The following CDH12 variants were observed in gnomAD, a reference collection of about 807,000 sequenced individuals.
CDH12 encodes the protein cadherin-12.
Under a neutral mutation model 74.1 loss-of-function variants are expected in CDH12, and 41 were observed. That is an observed-to-expected ratio of 0.55 (90% CI 0.43 to 0.72). The LOEUF (loss-of-function observed/expected upper bound fraction) is 0.72, where lower values mean the gene tolerates loss of function less well. Ranked by LOEUF, CDH12 falls within the 30% of genes least tolerant of loss-of-function variation. CDH12 has a pLI of 0.00. For missense variants in CDH12, 945 were observed against 977.2 expected, an observed-to-expected ratio of 0.97 and a Z score of 0.44; for synonymous variants, 399 against 355.0, an observed-to-expected ratio of 1.12 and a Z score of -1.39.
chr5:22,235,288 A>C (rs10473584), intron 3 of CDH12, among the ~76,000 whole-genome samples: 4,023 of 152,270 alleles, frequency 0.026, 77 homozygotes, highest in South Asian at 0.095. Context: ...CAGTTAAAAA[A>C]ACAAATTATA....
At position 21,751,143 on chromosome 5, in the gene CDH12, AAGAAAACCTTTTGAATT is replaced by A. The variant is rs1391417488; in HGVS notation, c.*577_*593del. 6.5e-6 allele frequency: 1 copy of A among 152,750 alleles called. No homozygotes were observed. The highest frequency in any genetic ancestry group is 1.9e-4 in the East Asian group (1 of 5,204). 9.5% of individuals were successfully genotyped at this position (152,750 alleles called of 1,614,324 possible). A position where few individuals can be genotyped will look rare whatever the true frequency, so the allele number is the denominator to read the frequency against. On this transcript the variant is annotated 3_prime_UTR_variant, in exon 15 of 15. Coordinates refer to ENST00000382254, the MANE Select transcript of CDH12 (RefSeq NM_004061.5). ...TTTAGCATACAGTTTAAAAAAGAAA[AAGAAAACCTTTTGAATT>A]AGAAGAAGGTGGAGATCAGAAAGTG...
chr5:21,888,517 C>A (rs1468854468), intron 6 of CDH12, among the ~76,000 whole-genome samples: 1 of 151,996 alleles, frequency 6.6e-6, no homozygotes, highest in Non-Finnish European at 1.5e-5. Context: ...GTGCAGCACA[C>A]CAACATGGTA....
At chr5:22,184,686 T>C (rs1749832244) in intron 4 of CDH12, among the ~76,000 whole-genome samples, 2 of 152,202 alleles carry the variant, frequency 1.3e-5, no homozygotes, top group South Asian at 4.1e-4. Flanking sequence ...ACTCCTGTCC[T>C]TACTTCACAT....
intron 1 of CDH12, among the ~76,000 whole-genome samples, chr5:22,849,852 G>A (rs1737468008): frequency 6.6e-6 from 1 of 151,980 alleles, no homozygotes; most frequent in Non-Finnish European, 1.5e-5. Context: ...CAAGGGTTAT[G>A]AAAGAAAACC....
intron 1 of CDH12, among the ~76,000 whole-genome samples, chr5:22,685,458 G>A (rs2126963): frequency 6.5e-4 from 99 of 152,144 alleles, no homozygotes; most frequent in Non-Finnish European, 1.2e-3. Context: ...GGATGGTCTC[G>A]ATCTCCTGAC....
chr5:22,276,728 C>T (rs1239566697), intron 3 of CDH12, among the ~76,000 whole-genome samples: 1 of 151,916 alleles, frequency 6.6e-6, no homozygotes. Context: ...ATTCTGTGGC[C>T]CAGGCTGGAG....
intron 4 of CDH12, among the ~76,000 whole-genome samples, chr5:22,184,586 G>A (rs759206617): frequency 1.3e-5 from 2 of 152,152 alleles, no homozygotes; most frequent in Non-Finnish European, 2.9e-5. Flanking sequence ...GTATATGCAC[G>A]ACAATGAACA....
intron 2 of CDH12, among the ~76,000 whole-genome samples, chr5:22,484,885 T>A (rs183448327): frequency 5.3e-4 from 80 of 152,248 alleles, no homozygotes; most frequent in African/African-American, 1.9e-3. Flanking sequence ...TAACAACATA[T>A]TATATATAAT....
intron 1 of CDH12, among the ~76,000 whole-genome samples, chr5:22,819,949 G>GTA (rs199766922): frequency 0.011 from 1,596 of 144,630 alleles, 35 homozygotes; most frequent in African/African-American, 0.039. Flanking sequence ...ATGTATGTGT[G>GTA]TATATATATA....
At chr5:22,341,249 T>G (rs1739835451) in intron 3 of CDH12, among the ~76,000 whole-genome samples, 1 of 152,126 alleles carries the variant, frequency 6.6e-6, no homozygotes, top group African/African-American at 2.4e-5. Context: ...GCTGTATAAG[T>G]GAGGTAGGAG....
chr5:22,551,891 G>T (rs1238568974), intron 1 of CDH12, among the ~76,000 whole-genome samples: 1 of 152,042 alleles, frequency 6.6e-6, no homozygotes, highest in Non-Finnish European at 1.5e-5. Context: ...AGACATGATG[G>T]TTTTATTTTA....
At chr5:21,765,204 T>C (rs1744953852) in intron 11 of CDH12, 105 bp from the exon 12 acceptor site, 4 of 920,104 alleles carry the variant, frequency 4.3e-6, no homozygotes, top group Non-Finnish European at 6.0e-6. Flanking sequence ...TTATATAGAA[T>C]GAAAAAAAAT....
intron 8 of CDH12, among the ~76,000 whole-genome samples, chr5:21,825,797 C>T (rs559537403): frequency 7.2e-5 from 11 of 152,280 alleles, no homozygotes; most frequent in African/African-American, 2.2e-4. Flanking sequence ...TCTACAATTA[C>T]GGTTTTCTGG....
chr5:21,895,110 G>A (rs904333126), intron 6 of CDH12, among the ~76,000 whole-genome samples: 3 of 151,776 alleles, frequency 2.0e-5, no homozygotes, highest in East Asian at 3.9e-4. Context: ...GTTCAGCTGC[G>A]CTCACTATAA....
chr5:22,776,858 A>C (rs1747129415), intron 1 of CDH12, among the ~76,000 whole-genome samples: 1 of 152,232 alleles, frequency 6.6e-6, no homozygotes, highest in Non-Finnish European at 1.5e-5. Context: ...ACATAGTTTC[A>C]GGCAAAGACA....
chr5:22,603,747 G>A (rs1276884329), intron 1 of CDH12, among the ~76,000 whole-genome samples: 15 of 152,130 alleles, frequency 9.9e-5, no homozygotes, highest in Non-Finnish European at 1.6e-4. Flanking sequence ...GATTGGGGGA[G>A]TTATAGGTAT....
chr5:21,855,896 TA>T (rs1317921815), intron 6 of CDH12, among the ~76,000 whole-genome samples: 1 of 151,754 alleles, frequency 6.6e-6, no homozygotes, highest in Non-Finnish European at 1.5e-5. Flanking sequence ...TTTCTTTTAA[TA>T]AAATGTTAGG....
chr5:22,070,916 G>T (rs1741897904), intron 5 of CDH12, among the ~76,000 whole-genome samples: 1 of 152,066 alleles, frequency 6.6e-6, no homozygotes, highest in African/African-American at 2.4e-5. Context: ...TTATAATAGG[G>T]AGCTGAACAA....
intron 3 of CDH12, among the ~76,000 whole-genome samples, chr5:22,319,313 G>C (rs1228801811): frequency 1.3e-5 from 2 of 152,134 alleles, no homozygotes; most frequent in Admixed American, 1.3e-4. Context: ...CTTGAAAGCT[G>C]GGATGTCAAC....
Sources: gnomAD v4.1 joint callset for allele counts (sites outside exome capture counted in the v4.1 genomes callset) on GRCh38, gnomAD v4.1.1 for gene constraint, MANE v1.5 for transcripts, NCBI Gene and HGNC (gene_info 2026-07-23, HGNC 2026-07-21) for gene names.